Variants in STARD13 observed in about 807,000 individuals in gnomAD.
STARD13 encodes stAR-related lipid transfer protein 13.
In STARD13, 62 loss-of-function variants were observed where a neutral mutation model predicts 106.4. The observed-to-expected ratio is 0.58, with a 90% CI of 0.48 to 0.72. The LOEUF (loss-of-function observed/expected upper bound fraction) is 0.72. STARD13 is among the 30% of genes least tolerant of loss of function. STARD13 has a pLI of 0.00. For missense variants in STARD13, 1,387 were observed against 1,424.0 expected (o/e 0.97, Z 0.42); for synonymous variants, 565 against 553.0 (o/e 1.02, Z -0.31).
chr13:33,211,438 T>C (rs1316266199), intron 1 of STARD13, among the ~76,000 whole-genome samples: 1 of 152,158 alleles, frequency 6.6e-6, no homozygotes, highest in Admixed American at 6.5e-5. Context: ...TATGCATATA[T>C]AACACACTTG....
intron 8 of STARD13, among the ~76,000 whole-genome samples, chr13:33,116,031 A>C (rs1566535505): frequency 6.6e-6 from 1 of 152,220 alleles, no homozygotes. Flanking sequence ...AGCTGAGAAC[A>C]CTGTAACTGG....
the STARD13 span, among the ~76,000 whole-genome samples, chr13:33,465,229 G>A: frequency 4.7e-5 from 6 of 128,916 alleles, no homozygotes; most frequent in Admixed American, 1.6e-4. Context: ...TTTTTGAGAC[G>A]GCATCTCACT....
upstream of STARD13, among the ~76,000 whole-genome samples, chr13:33,288,468 T>C (rs1025418576): frequency 6.6e-6 from 1 of 151,212 alleles, no homozygotes; most frequent in African/African-American, 2.4e-5. Context: ...GAGATGGGGG[T>C]CTCTCTTTGC....
At chr13:33,174,614 C>A (rs1054318000) in intron 1 of STARD13, among the ~76,000 whole-genome samples, 1 of 152,216 alleles carries the variant, frequency 6.6e-6, no homozygotes, top group Non-Finnish European at 1.5e-5. Flanking sequence ...AGCAGACCAG[C>A]TGCTGACATG....
chr13:33,499,616 CTT>C, the STARD13 span, among the ~76,000 whole-genome samples: 130 of 70,080 alleles, frequency 1.9e-3, 1 homozygote, highest in South Asian at 2.5e-3. Context: ...TCTTCTTCTT[CTT>C]CTTCTTCTTC....
the STARD13 span, among the ~76,000 whole-genome samples, chr13:33,470,334 T>C: frequency 8.5e-5 from 13 of 152,204 alleles, no homozygotes; most frequent in Non-Finnish European, 1.5e-4. Context: ...TGATGGGCAT[T>C]TGGGTTGGTT....
the STARD13 span, among the ~76,000 whole-genome samples, chr13:33,499,603 CTTTCTTCTTCTTCTTCTTCTTCTT>C: frequency 4.2e-5 from 2 of 47,298 alleles, no homozygotes; most frequent in South Asian, 1.7e-3. Flanking sequence ...TCTTCTTCTT[CTTTCTTCTTCTTCTTCTTCTTCTT>C]CTTCTTCTTC....
At chr13:33,664,802 A>G in the STARD13 span, among the ~76,000 whole-genome samples, 4 of 151,902 alleles carry the variant, frequency 2.6e-5, no homozygotes, top group South Asian at 8.3e-4. Flanking sequence ...AATTTTTTGT[A>G]TTTTTAGTAG....
exon 2 of STARD13, chr13:33,349,179 C>A: frequency 1.4e-6 from 1 of 702,386 alleles, no homozygotes; most frequent in African/African-American, 1.7e-5. Flanking sequence ...CTTTCTTCTG[C>A]CCCATGTGGT....
the STARD13 span, among the ~76,000 whole-genome samples, chr13:33,659,239 G>A: frequency 4.3e-4 from 9 of 20,780 alleles, 1 homozygote; most frequent in African/African-American, 5.8e-4. Flanking sequence ...TTTTTTTTAT[G>A]AAGTCTTGCT....
At chr13:33,261,415 C>A (rs1179745153) in intron 1 of STARD13, among the ~76,000 whole-genome samples, 1 of 152,210 alleles carries the variant, frequency 6.6e-6, no homozygotes, top group Non-Finnish European at 1.5e-5. Context: ...GACAAGAGAT[C>A]TCAGAAATAA....
chr13:33,362,426 G>T, the STARD13 span, among the ~76,000 whole-genome samples: 1 of 152,130 alleles, frequency 6.6e-6, no homozygotes, highest in Non-Finnish European at 1.5e-5. Flanking sequence ...CATAAGATTT[G>T]GAGGGGACAA....
chr13:33,286,582 C>A (rs541619674), upstream of STARD13, among the ~76,000 whole-genome samples: 4 of 152,288 alleles, frequency 2.6e-5, no homozygotes, highest in Non-Finnish European at 4.4e-5. Context: ...TATACAAAAG[C>A]TTCTAACATG....
chr13:33,316,893 C>T (rs947271056), intron 1 of STARD13, among the ~76,000 whole-genome samples: 1 of 152,172 alleles, frequency 6.6e-6, no homozygotes, highest in African/African-American at 2.4e-5. Context: ...TTGACAAACT[C>T]ATGATAATTT....
chr13:33,534,923 T>A, the STARD13 span, among the ~76,000 whole-genome samples: 1 of 152,156 alleles, frequency 6.6e-6, no homozygotes, highest in African/African-American at 2.4e-5. Context: ...CTGGACATAA[T>A]AAAAGGAGAA....
chr13:33,393,409 G>A, the STARD13 span, among the ~76,000 whole-genome samples: 1 of 152,084 alleles, frequency 6.6e-6, no homozygotes, highest in Non-Finnish European at 1.5e-5. Flanking sequence ...TGGTGTAGTG[G>A]GCTGCGTATG....
chr13:33,350,505 C>T (rs1303950576), exon 1 of STARD13: 7 of 1,456,648 alleles, frequency 4.8e-6, no homozygotes, highest in Non-Finnish European at 3.6e-6. Flanking sequence ...AAAGGACGGA[C>T]GCGGCACTCC....
At chr13:33,519,221 T>G in the STARD13 span, among the ~76,000 whole-genome samples, 1 of 136,016 alleles carries the variant, frequency 7.4e-6, no homozygotes, top group Non-Finnish European at 1.6e-5. Flanking sequence ...TCTTTCTTTC[T>G]TTCTTTCTTT....
chr13:33,421,783 G>T, the STARD13 span, among the ~76,000 whole-genome samples: 4 of 152,276 alleles, frequency 2.6e-5, no homozygotes, highest in East Asian at 7.7e-4. Flanking sequence ...ATGCAAGGCT[G>T]GTTCAACATA....
Sources: allele counts gnomAD v4.1 joint callset (sites outside exome capture counted in the v4.1 genomes callset), GRCh38; gene constraint gnomAD v4.1.1; transcripts MANE v1.5; gene names NCBI Gene and HGNC (gene_info 2026-07-23, HGNC 2026-07-21).